CMIP: variants seen among roughly 807,000 people sequenced by gnomAD.
CMIP encodes the protein c-Maf inducing protein, also known as C-Maf-inducing protein.
A neutral mutation model predicts 97.3 loss-of-function variants in CMIP; 13 were observed. The observed-to-expected ratio is 0.13, with a 90% CI of 0.09 to 0.21. The LOEUF (loss-of-function observed/expected upper bound fraction) is 0.21. Among genes scored for constraint, CMIP ranks in the 10% least tolerant of loss-of-function variants. The pLI is 1.00. For synonymous variants in CMIP, 538 were observed against 436.3 expected (o/e 1.23, Z -2.91); for missense variants, 847 against 1,024.9 (o/e 0.83, Z 2.37).
chr16:81,662,988 G>A (rs1380819306), intron 6 of CMIP, among the ~76,000 whole-genome samples: 1 of 152,006 alleles, frequency 6.6e-6, no homozygotes, highest in Non-Finnish European at 1.5e-5. Context: ...TATTAAATAA[G>A]GACCCTGTCA....
chr16:81,631,460 G>A (rs533728558), intron 3 of CMIP: 1 of 152,308 alleles, frequency 6.6e-6, no homozygotes, highest in East Asian at 1.9e-4. Context: ...AATACATCTA[G>A]AAAAGGGTAC....
Position 81,670,625 on chromosome 16 carries a change from G to A in CMIP, c.929+380G>A, listed in dbSNP as rs1007042065. Among the ~76,000 whole-genome samples the A allele has an allele frequency of 1.6e-3, 230 of 147,686 alleles. 1 individual carries two copies. Among genetic ancestry groups the A allele is most frequent in the African/African-American group, 5.2e-3 (207 of 39,920 alleles). On this transcript the variant is annotated intron_variant, in intron 8 of 20. Coordinates refer to ENST00000537098, the MANE Select transcript of CMIP (RefSeq NM_198390.3). ...TTGGTGTTTTGGGTTTTTTTTGGGG[G>A]GGGGGGGGGTGGTTGCTTTTGCTTT...
chr16:81,521,038 G>C (rs750968794), intron 1 of CMIP, among the ~76,000 whole-genome samples: 1 of 152,238 alleles, frequency 6.6e-6, no homozygotes, highest in Non-Finnish European at 1.5e-5. Flanking sequence ...TTTTGCCCTG[G>C]AGCTTTTTGC....
chr16:81,640,415 C>T (rs2092290662), intron 3 of CMIP, among the ~76,000 whole-genome samples: 1 of 152,000 alleles, frequency 6.6e-6, no homozygotes, highest in African/African-American at 2.4e-5. Context: ...CGGCTCAGCT[C>T]GAGTCACCGC....
Position 81,621,213 on chromosome 16 carries a change from C to T in CMIP, c.477+287C>T, listed in dbSNP as rs187676737. ...GAACTGCTTGCTCTCAGAGTGAGGG[C>T]GACCCTGAGGGGAGTCCAGCCGGGG... On this transcript the variant is annotated intron_variant, in intron 3 of 20. Coordinates refer to ENST00000537098, the MANE Select transcript of CMIP (RefSeq NM_198390.3). This position sits in a 1 kb window ranked among gnomAD's most constrained non-coding sequence, Gnocchi z 4.1. 20 of 310,166 alleles carry T rather than the reference C, an allele frequency of 6.4e-5. No homozygotes were observed. The highest frequency in any genetic ancestry group is 1.9e-4 in the African/African-American group (9 of 47,300). 19.2% of individuals were successfully genotyped at this position (310,166 alleles called of 1,614,324 possible). A position where few individuals can be genotyped will look rare whatever the true frequency, so the allele number is the denominator to read the frequency against.
intron 1 of CMIP, among the ~76,000 whole-genome samples, chr16:81,576,334 G>A (rs1013348322): frequency 6.6e-6 from 1 of 152,120 alleles, no homozygotes; most frequent in Non-Finnish European, 1.5e-5. Flanking sequence ...AACCCGGGAG[G>A]CAGGGGTTGC....
chr16:81,702,179 C>T (rs1907492380), intron 16 of CMIP, among the ~76,000 whole-genome samples: 1 of 152,312 alleles, frequency 6.6e-6, no homozygotes, highest in Non-Finnish European at 1.5e-5. Flanking sequence ...ACGGAAGGGG[C>T]AGGAAATTCA....
intron 2 of CMIP, among the ~76,000 whole-genome samples, chr16:81,615,233 G>A (rs894470694): frequency 1.3e-5 from 2 of 150,360 alleles, no homozygotes; most frequent in Middle Eastern, 6.9e-3. Flanking sequence ...TGTGTATGGT[G>A]TATGTGTGTC....
In CMIP at chr16:81,621,085, C is replaced by T. The variant is rs571102455; in HGVS notation, c.477+159C>T. On this transcript the variant is annotated intron_variant, in intron 3 of 20. Coordinates refer to ENST00000537098, the MANE Select transcript of CMIP (RefSeq NM_198390.3). The surrounding 1 kb of genome is among the most constrained non-coding windows in gnomAD (Gnocchi z 4.1). ...CCCTACCTAAGAGCCCCTGGCCCTTCGTCCTCTGCTGTTCAATTCCTGTCC... is the reference window on the plus strand; with the variant it reads ...CCCTACCTAAGAGCCCCTGGCCCTTTGTCCTCTGCTGTTCAATTCCTGTCC... The T allele has an allele frequency of 1.1e-5, 8 of 742,842 alleles. No homozygotes were observed. Among genetic ancestry groups the T allele is most frequent in the Admixed American group, 5.2e-5 (2 of 38,270 alleles). The allele number at this position is 742,842 out of a possible 1,614,324, so 46.0% of individuals were successfully genotyped here.
chr16:81,543,083 C>G (rs937799175), intron 1 of CMIP, among the ~76,000 whole-genome samples: 13 of 152,026 alleles, frequency 8.6e-5, no homozygotes, highest in African/African-American at 2.9e-4. Context: ...CATGAGGTGG[C>G]AAGGGCCCAG....
chr16:81,590,157 A>AC (rs1189983918), intron 1 of CMIP, among the ~76,000 whole-genome samples: 1 of 152,262 alleles, frequency 6.6e-6, no homozygotes, highest in East Asian at 1.9e-4. Context: ...TTGGCGGGGA[A>AC]CCCTGGGAAT....
At chr16:81,642,671 G>C (rs550944137) in intron 3 of CMIP, among the ~76,000 whole-genome samples, 1 of 152,262 alleles carries the variant, frequency 6.6e-6, no homozygotes, top group South Asian at 2.1e-4. Flanking sequence ...CGGGCGCGGT[G>C]GCTCTCCTGA....
intron 3 of CMIP, among the ~76,000 whole-genome samples, chr16:81,649,120 G>C (rs1597194228): frequency 6.6e-6 from 1 of 152,268 alleles, no homozygotes; most frequent in South Asian, 2.1e-4. Context: ...GGGATACTGT[G>C]AGGATTGAGT....
chr16:81,680,219 C>T (rs754243968), intron 10 of CMIP, among the ~76,000 whole-genome samples: 18 of 152,218 alleles, frequency 1.2e-4, no homozygotes, highest in Non-Finnish European at 2.6e-4. Context: ...TTTCCCTGAG[C>T]CCCTGTGTCG....
chr16:81,679,131 A>G (rs1225861173), intron 10 of CMIP, among the ~76,000 whole-genome samples: 2 of 151,904 alleles, frequency 1.3e-5, no homozygotes, highest in Admixed American at 1.3e-4. Flanking sequence ...AGAGCTTGTG[A>G]GTGTCTTTGT....
chr16:81,639,647 C>T (rs1173656828), intron 3 of CMIP, among the ~76,000 whole-genome samples: 1 of 152,202 alleles, frequency 6.6e-6, no homozygotes, highest in Non-Finnish European at 1.5e-5. Flanking sequence ...CTCTCTTTAT[C>T]CATTGGTGGA....
intron 1 of CMIP, among the ~76,000 whole-genome samples, chr16:81,472,956 G>C (rs1182984111): frequency 6.6e-6 from 1 of 152,228 alleles, no homozygotes; most frequent in Non-Finnish European, 1.5e-5. Context: ...CTGTTTAACT[G>C]CTTGCCCTGA....
At chr16:81,602,593 C>T (rs2091676260) in intron 1 of CMIP, among the ~76,000 whole-genome samples, 1 of 152,240 alleles carries the variant, frequency 6.6e-6, no homozygotes, top group East Asian at 1.9e-4. Context: ...CTCGCCCGCC[C>T]CAGCGGCTGG....
At chr16:81,491,856 A>G (rs987958359) in intron 1 of CMIP, among the ~76,000 whole-genome samples, 1 of 152,178 alleles carries the variant, frequency 6.6e-6, no homozygotes, top group Non-Finnish European at 1.5e-5. Context: ...CACAGTGAAC[A>G]TGCTGGTTTC....
Sources: gnomAD v4.1 joint callset for allele counts (sites outside exome capture counted in the v4.1 genomes callset) on GRCh38, gnomAD v4.1.1 for gene constraint, Gnocchi (gnomAD v3.1) non-coding constraint, MANE v1.5 for transcripts, NCBI Gene and HGNC (gene_info 2026-07-23, HGNC 2026-07-21) for gene names.